RBM39: variants seen among roughly 807,000 people sequenced by gnomAD.
RBM39 encodes the protein RNA binding motif protein 39.
RBM39 carries 12 observed loss-of-function variants against 79.6 expected under a neutral mutation model. That is an observed-to-expected ratio of 0.15 (90% CI 0.10 to 0.24). The LOEUF (loss-of-function observed/expected upper bound fraction) is 0.24. RBM39 is among the 10% of genes least tolerant of loss of function. RBM39 has a pLI of 1.00. For synonymous variants in RBM39, 185 were observed against 208.4 expected (o/e 0.89, Z 0.97); for missense variants, 243 against 653.4 (o/e 0.37, Z 6.85).
intron 9 of RBM39, among the ~76,000 whole-genome samples, chr20:35,718,129 G>A (rs1233498780): frequency 6.6e-6 from 1 of 151,502 alleles, no homozygotes; most frequent in Non-Finnish European, 1.5e-5. Flanking sequence ...AAAGTGCTGG[G>A]ATTACAGGCA....
At chr20:35,735,205 A>C in intron 3 of RBM39, 1 of 1,305,274 alleles carries the variant, frequency 7.7e-7, no homozygotes, top group Non-Finnish European at 9.9e-7. Flanking sequence ...GTAATTCTCT[A>C]AAGAGCTTAA....
At chr20:35,738,309 T>C (rs1021638955) in intron 3 of RBM39, among the ~76,000 whole-genome samples, 18 of 152,242 alleles carry the variant, frequency 1.2e-4, no homozygotes, top group African/African-American at 3.9e-4. Context: ...TCATATCTGT[T>C]ACCTAAGACT....
At chr20:35,741,820 G>C (rs1475751497) in intron 1 of RBM39, 121 bp downstream of exon 1, 1 of 156,728 alleles carries the variant, frequency 6.4e-6, no homozygotes, top group Non-Finnish European at 1.4e-5. Context: ...AAACAGGGCC[G>C]ATTTCTCGAA....
Position 35,721,841 on chromosome 20 carries a change from A to C in RBM39, c.724T>G (p.Leu242Val). 6.2e-7 allele frequency: 1 copy of C among 1,613,930 alleles called. No homozygotes were observed. The highest frequency in any genetic ancestry group is 8.5e-7 in the Non-Finnish European group (1 of 1,179,862). ...ATAGGTCCAGCACTTCCCTTTTGTA[A>C]ATTGTTTGCCATTGCTGCAGCTCTG... Reference protein sequence around the residue: ...KNRAAAMANNLQKGSAGPMRL... With the variant: ...KNRAAAMANNVQKGSAGPMRL... The change falls in exon 9 of 17, where the codon TTA (leucine) becomes GTA (valine). Residue 242 changes from leucine (L) to valine (V), a missense_variant. Leu to Val is a conservative substitution (Grantham distance 32, BLOSUM62 1). Transcript: ENST00000253363.
At chr20:35,722,193 A>G (rs2425100) in intron 8 of RBM39, among the ~76,000 whole-genome samples, 28,328 of 151,848 alleles carry the variant, frequency 0.19, 3,037 homozygotes, top group African/African-American at 0.31. Flanking sequence ...AGATCACGAC[A>G]TCAAGAGATC....
chr20:35,704,399 A>G lies in RBM39; in HGVS notation c.*82T>C, dbSNP rs1255018571. The G allele has an allele frequency of 9.5e-7, 1 of 1,049,240 alleles. No homozygotes were observed. The highest frequency in any genetic ancestry group is 1.6e-5 in the African/African-American group (1 of 61,714). The allele number at this position is 1,049,240 out of a possible 1,614,324, so 65.0% of individuals were successfully genotyped here. A position where few individuals can be genotyped will look rare whatever the true frequency, so the allele number is the denominator to read the frequency against. ...AATGACAGTAGATCCTTGCCTCTTT[A>G]TTTTTATCTAAATAAAAGATAACTC... On this transcript the variant is annotated 3_prime_UTR_variant, in exon 17 of 17. Coordinates refer to ENST00000253363, the MANE Select transcript of RBM39 (RefSeq NM_184234.3).
intron 9 of RBM39, among the ~76,000 whole-genome samples, chr20:35,717,048 G>A (rs1224875670): frequency 2.0e-5 from 3 of 152,128 alleles, no homozygotes; most frequent in Non-Finnish European, 4.4e-5. Context: ...GGGAGGTTGA[G>A]GGAGGCGGAT....
At chr20:35,727,162 A>G (rs1051838665) in intron 6 of RBM39, among the ~76,000 whole-genome samples, 1 of 150,574 alleles carries the variant, frequency 6.6e-6, no homozygotes, top group Non-Finnish European at 1.5e-5. Context: ...ACTGAGCAAC[A>G]TGGCAAAACC....
At chr20:35,724,779 T>C (rs1369809244) in intron 7 of RBM39, 57 bp from the exon 8 acceptor site, 2 of 1,566,282 alleles carry the variant, frequency 1.3e-6, no homozygotes, top group East Asian at 2.3e-5. Flanking sequence ...TGTAGAATTA[T>C]TTCAAGAGAC....
At chr20:35,727,213 G>A (rs1383295224) in intron 6 of RBM39, among the ~76,000 whole-genome samples, 1 of 151,956 alleles carries the variant, frequency 6.6e-6, no homozygotes, top group Non-Finnish European at 1.5e-5. Flanking sequence ...AGCAGGGCAT[G>A]GTGGCTGCAC....
At chr20:35,728,640 T>C (rs1490594196) in intron 6 of RBM39, among the ~76,000 whole-genome samples, 1 of 151,908 alleles carries the variant, frequency 6.6e-6, no homozygotes, top group African/African-American at 2.4e-5. Context: ...TGCCGGGCAT[T>C]GTGGCACATG....
chr20:35,722,920 C>T (rs1324723014), intron 8 of RBM39, among the ~76,000 whole-genome samples: 2 of 145,230 alleles, frequency 1.4e-5, no homozygotes, highest in African/African-American at 2.6e-5. Flanking sequence ...GGCGACAGAG[C>T]GAGACTCCGT....
intron 1 of RBM39, chr20:35,741,466 G>C (rs1200040205): frequency 6.6e-6 from 1 of 152,368 alleles, no homozygotes; most frequent in South Asian, 2.0e-4. Flanking sequence ...GCTTACGTAA[G>C]TAAATCCAAA....
intron 8 of RBM39, among the ~76,000 whole-genome samples, chr20:35,722,957 AAGC>A (rs1311302065): frequency 6.6e-6 from 1 of 151,468 alleles, no homozygotes; most frequent in Non-Finnish European, 1.5e-5. Context: ...AAAAAAAAGT[AAGC>A]AGGCTACATT....
Position 35,729,358 on chromosome 20 carries a change from G to A in RBM39, c.370C>T (p.Arg124Cys), listed in dbSNP as rs748478759. The stretch of plus-strand genomic sequence containing the variant: ...CTGAATGGACTTTTGCTTCGGGAAC[G>A]TCGTCTGCTGCAAAGTTAAAAAGTT... ...LPHSIKLSRR[R>C]SRSKSPFRKD... The change falls in exon 6 of 17, where the codon CGT becomes TGT. Residue 124 changes from arginine to cysteine, a missense_variant. Physicochemically the swap from Arg to Cys is radical, Grantham distance 180 (BLOSUM62 -3). Transcript: ENST00000253363. 2.5e-6 allele frequency: 4 copies of A among 1,605,824 alleles called. No individual in the cohort carries two copies. Among genetic ancestry groups the A allele is most frequent in the African/African-American group, 1.3e-5 (1 of 74,322 alleles).
intron 7 of RBM39, 132 bp downstream of exon 7, chr20:35,724,906 A>G: frequency 1.0e-6 from 1 of 993,730 alleles, no homozygotes; most frequent in Non-Finnish European, 1.5e-6. Context: ...ATCAACTCCA[A>G]TACTACAAGA....
chr20:35,710,438 GTA>G (rs1485310312), intron 12 of RBM39: 2 of 152,104 alleles, frequency 1.3e-5, no homozygotes, highest in Admixed American at 1.3e-4. Context: ...GGGAAAAAAT[GTA>G]TAGATATCAG....
Position 35,703,208 on chromosome 20 carries a change from T to C in RBM39, c.*1273A>G, listed in dbSNP as rs894881402. ...AACTAGTATGAAAGCTCAAAACCCC[T>C]TAATACAGTAATATATGCACCTTAT... On this transcript the variant is annotated 3_prime_UTR_variant, in exon 17 of 17. Transcript: ENST00000253363. The C allele has an allele frequency of 6.6e-6, 1 of 152,176 alleles. No individual in the cohort carries two copies. Among genetic ancestry groups the C allele is most frequent in the Non-Finnish European group, 1.5e-5 (1 of 68,050 alleles). The allele number at this position is 152,176 out of a possible 1,614,324, so 9.4% of individuals were successfully genotyped here.
At chr20:35,727,689 G>T (rs1440664140) in intron 6 of RBM39, among the ~76,000 whole-genome samples, 2 of 143,146 alleles carry the variant, frequency 1.4e-5, no homozygotes, top group Non-Finnish European at 3.0e-5. Flanking sequence ...CGCTCTTGTT[G>T]CCCAGGCTGG....
Sources: gnomAD v4.1 joint callset for allele counts (sites outside exome capture counted in the v4.1 genomes callset) on GRCh38, gnomAD v4.1.1 for gene constraint, MANE v1.5 for transcripts, NCBI Gene and HGNC (gene_info 2026-07-23, HGNC 2026-07-21) for gene names.